Variants in RGPD3 observed in about 807,000 individuals in gnomAD.
RGPD3 encodes the protein RANBP2 like and GRIP domain containing 3.
Under a neutral mutation model 154.5 loss-of-function variants are expected in RGPD3, and 62 were observed. That is an observed-to-expected ratio of 0.40 (90% CI 0.33 to 0.50). The LOEUF is 0.50. Ranked by LOEUF, RGPD3 falls within the 20% of genes least tolerant of loss-of-function variation. The pLI, the probability that RGPD3 is intolerant of heterozygous loss-of-function variation, is 0.59. For synonymous variants in RGPD3, 308 were observed against 607.0 expected (o/e 0.51, Z 7.24); for missense variants, 919 against 1,716.8 (o/e 0.54, Z 8.21).
chr2:106,446,702 G>A (rs2104496622), intron 7 of RGPD3, among the ~76,000 whole-genome samples: 2 of 149,398 alleles, frequency 1.3e-5, no homozygotes, highest in African/African-American at 4.9e-5. Context: ...CCAACATGGT[G>A]AAACCCCATC....
Position 106,434,259 on chromosome 2 carries a change from T to A in RGPD3, c.2174A>T (p.Asp725Val). The change falls in exon 15 of 23, where the codon GAC becomes GTC. Residue 725 changes from aspartate to valine, a missense_variant. By Grantham distance (152) the Asp-to-Val change is radical. Coordinates refer to ENST00000409886, the MANE Select transcript of RGPD3 (RefSeq NM_001144013.2). ...GACCACTGAAAGATTTGAATCACTG[T>A]CATCTAAAATCTTTATTAGGTAGCC... ...TRGYLIKILD[D>V]SDSNLSVVKK... is the part of the protein sequence containing the mutation. The A allele has an allele frequency of 1.3e-6, 2 of 1,597,556 alleles. No individual in the cohort carries two copies. The highest frequency in any genetic ancestry group is 1.7e-6 in the Non-Finnish European group (2 of 1,172,732).
At chr2:106,444,867 T>G (rs1437991260) in intron 7 of RGPD3, among the ~76,000 whole-genome samples, 1 of 134,876 alleles carries the variant, frequency 7.4e-6, no homozygotes, top group African/African-American at 2.8e-5. Context: ...ACACCTATAA[T>G]CCCAGCACTC....
intron 20 of RGPD3, among the ~76,000 whole-genome samples, chr2:106,420,446 A>G (rs1416318220): frequency 6.6e-6 from 1 of 152,022 alleles, no homozygotes; most frequent in Admixed American, 6.6e-5. Flanking sequence ...GTCATGAAGC[A>G]TGCCATGTAT....
At chr2:106,447,878 T>G (rs1002071063) in intron 6 of RGPD3, among the ~76,000 whole-genome samples, 3 of 151,970 alleles carry the variant, frequency 2.0e-5, no homozygotes, top group African/African-American at 7.3e-5. Flanking sequence ...AGGATAAATA[T>G]AAGATCAGTG....
intron 22 of RGPD3, 168 bp downstream of exon 22, chr2:106,412,916 C>G (rs1050139423): frequency 1.9e-5 from 13 of 686,304 alleles, no homozygotes; most frequent in Non-Finnish European, 3.1e-5. Context: ...ACATTTGCCT[C>G]AAGATGTTAA....
Position 106,409,169 on chromosome 2 carries a change from CCT to C in RGPD3, c.5266+3913_5266+3914del, listed in dbSNP as rs1558831295. On this transcript the variant is annotated intron_variant, in intron 22 of 22. Coordinates refer to ENST00000409886, the MANE Select transcript of RGPD3 (RefSeq NM_001144013.2). ...AAGGTACTTGTTTGCTCTGATGGGC[CCT>C]GTTTCCTTCAGTGCCAGGAAGAGTG... 2.0e-5 allele frequency among the ~76,000 whole-genome samples: 3 copies of C among 152,186 alleles called. No homozygotes were observed. In the East Asian group the frequency reaches 5.8e-4, roughly 30 times the overall value.
chr2:106,469,657 G>C (rs1361655182), upstream of RGPD3, among the ~76,000 whole-genome samples: 5 of 152,114 alleles, frequency 3.3e-5, no homozygotes, highest in Non-Finnish European at 7.4e-5. Flanking sequence ...AGAGAATTGG[G>C]AGCCTCGTTC....
Position 106,451,092 on chromosome 2 carries a change from A to T in RGPD3, c.782+1113T>A, listed in dbSNP as rs1420523759. ...GACAGAGCAAGACTCCCTCTCAAAAAAAAAAAAACAAAAAAGAAAGAAAGA... is the reference window on the plus strand; with the variant it reads ...GACAGAGCAAGACTCCCTCTCAAAATAAAAAAAACAAAAAAGAAAGAAAGA... On this transcript the variant is annotated intron_variant, in intron 6 of 22. Coordinates refer to ENST00000409886, the MANE Select transcript of RGPD3 (RefSeq NM_001144013.2). Among the ~76,000 whole-genome samples, 23 of 143,812 alleles carry T rather than the reference A, an allele frequency of 1.6e-4. 1 individual carries two copies. The highest frequency in any genetic ancestry group is 1.5e-3 in the Admixed American group (22 of 14,314). 94.3% of individuals were successfully genotyped at this position (143,812 alleles called of 152,430 possible). A position where few individuals can be genotyped will look rare whatever the true frequency, so the allele number is the denominator to read the frequency against.
In RGPD3 at chr2:106,468,408, C is replaced by T. The variant is rs1272457827; in HGVS notation, c.-120G>A. 2 of 1,525,620 alleles carry T rather than the reference C, an allele frequency of 1.3e-6. No homozygotes were observed. The highest frequency in any genetic ancestry group is 1.8e-6 in the Non-Finnish European group (2 of 1,132,844). 94.5% of individuals were successfully genotyped at this position (1,525,620 alleles called of 1,614,324 possible). A position where few individuals can be genotyped will look rare whatever the true frequency, so the allele number is the denominator to read the frequency against. ...GGCAGCGGCGTAGCCGGCGGAGGACCACTGTGACGAACTTGTGTCCTGCGT... is the reference window on the plus strand; with the variant it reads ...GGCAGCGGCGTAGCCGGCGGAGGACTACTGTGACGAACTTGTGTCCTGCGT... On this transcript the variant is annotated 5_prime_UTR_variant, in exon 1 of 23. Coordinates refer to ENST00000409886, the MANE Select transcript of RGPD3 (RefSeq NM_001144013.2).
chr2:106,410,558 G>C (rs1041985169), intron 22 of RGPD3, among the ~76,000 whole-genome samples: 77 of 152,292 alleles, frequency 5.1e-4, no homozygotes, highest in East Asian at 1.9e-3. Context: ...TAGACATGCT[G>C]AGTATTTTGA....
At chr2:106,451,124 G>A (rs1382908703) in intron 6 of RGPD3, among the ~76,000 whole-genome samples, 3 of 149,004 alleles carry the variant, frequency 2.0e-5, no homozygotes, top group Non-Finnish European at 3.0e-5. Context: ...AAGAAAGAAA[G>A]AAAGAAAGGA....
In RGPD3 at chr2:106,425,100, T is replaced by C. The variant is rs775797586; in HGVS notation, c.2867A>G (p.Lys956Arg). Residue 956 changes from lysine to arginine, a missense_variant, in exon 20 of 23, where the codon AAG becomes AGG. Transcript: ENST00000409886. ...GLQAQDISGR[K>R]KGRGVIFGQT... ...GCCAAAAATCACACCACGGCCCTTC[T>C]TCCGGCCACTAATATCCTGAGCCTG... The C allele has an allele frequency of 6.8e-6, 11 of 1,611,902 alleles. No individual in the cohort carries two copies. Among genetic ancestry groups the C allele is most frequent in the Admixed American group, 3.3e-5 (2 of 59,980 alleles).
chr2:106,464,972 C>T (rs1044533568), intron 1 of RGPD3, among the ~76,000 whole-genome samples: 7 of 148,884 alleles, frequency 4.7e-5, no homozygotes, highest in Admixed American at 2.0e-4. Flanking sequence ...AGATTACAGA[C>T]GAAGAATATT....
intron 3 of RGPD3, 93 bp downstream of exon 3, chr2:106,457,472 GAT>G: frequency 7.0e-7 from 1 of 1,438,482 alleles, no homozygotes. Context: ...CCTGTTTTAT[GAT>G]ATTCATAAAA....
At chr2:106,441,272 T>C (rs1360493950) in intron 8 of RGPD3, 21 bp downstream of exon 8, 2 of 1,435,900 alleles carry the variant, frequency 1.4e-6, no homozygotes, top group Non-Finnish European at 9.5e-7. Context: ...TTAAATTAAA[T>C]TAGTTTAATA....
chr2:106,464,719 T>G (rs79083320), intron 1 of RGPD3, among the ~76,000 whole-genome samples: 25,728 of 151,690 alleles, frequency 0.17, 2,192 homozygotes, highest in South Asian at 0.34. Context: ...AAATTATATA[T>G]TTTTTTCTTT....
In RGPD3 at chr2:106,442,331, T is replaced by C. The variant is rs1244869249; in HGVS notation, c.979-951A>G. Among the ~76,000 whole-genome samples, 285 of 94,772 alleles carry C rather than the reference T, an allele frequency of 3.0e-3. 9 individuals carry two copies. The Admixed American group carries it at 0.034, about 11-fold the overall frequency. The allele number at this position is 94,772 out of a possible 152,430, so 62.2% of individuals were successfully genotyped here. A position where few individuals can be genotyped will look rare whatever the true frequency, so the allele number is the denominator to read the frequency against. On this transcript the variant is annotated intron_variant, in intron 7 of 22. Transcript: ENST00000409886. ...ATAAATAGGACAACAGCAGATGTTG[T>C]CCTATTTGAGTAGATATGACACCCT...
chr2:106,413,773 C>G (rs1676741765), intron 21 of RGPD3, among the ~76,000 whole-genome samples: 2 of 152,156 alleles, frequency 1.3e-5, no homozygotes, highest in South Asian at 4.2e-4. Context: ...GAGGATGCAT[C>G]CTGTGTAAAT....
intron 1 of RGPD3, among the ~76,000 whole-genome samples, chr2:106,466,267 C>T (rs1678582761): frequency 6.6e-6 from 1 of 151,952 alleles, no homozygotes. Context: ...AGCGCCGCGC[C>T]GCCCACAGGA....
Sources: gnomAD v4.1 joint callset for allele counts (sites outside exome capture counted in the v4.1 genomes callset) on GRCh38, gnomAD v4.1.1 for gene constraint, MANE v1.5 for transcripts, NCBI Gene and HGNC (gene_info 2026-07-23, HGNC 2026-07-21) for gene names.